WASF1: variants seen among roughly 807,000 people sequenced by gnomAD.
The protein encoded by WASF1 is actin-binding protein WASF1.
A neutral mutation model predicts 50.5 loss-of-function variants in WASF1; 7 were observed. The observed-to-expected ratio is 0.14, with a 90% CI of 0.08 to 0.26. The LOEUF (loss-of-function observed/expected upper bound fraction) is 0.26. Ranked by LOEUF, WASF1 falls within the 10% of genes least tolerant of loss-of-function variation. The pLI, the probability that WASF1 is intolerant of heterozygous loss-of-function variation, is 1.00. For synonymous variants in WASF1, 205 were observed against 244.0 expected (o/e 0.84, Z 1.49); for missense variants, 470 against 694.7 (o/e 0.68, Z 3.64).
chr6:110,136,336 T>G (rs1562176480), intron 3 of WASF1, among the ~76,000 whole-genome samples: 1 of 152,254 alleles, frequency 6.6e-6, no homozygotes, highest in Non-Finnish European at 1.5e-5. Flanking sequence ...ATAGTCAATT[T>G]TTGTAAACAT....
intron 3 of WASF1, among the ~76,000 whole-genome samples, chr6:110,140,370 A>G (rs1490743961): frequency 6.6e-6 from 1 of 152,182 alleles, no homozygotes; most frequent in Non-Finnish European, 1.5e-5. Flanking sequence ...TTAATAATAA[A>G]TTGGTAAGTA....
At chr6:110,104,221 T>C (rs1220715540) in intron 8 of WASF1, among the ~76,000 whole-genome samples, 1 of 152,170 alleles carries the variant, frequency 6.6e-6, no homozygotes, top group Non-Finnish European at 1.5e-5. Flanking sequence ...AGTACATTCT[T>C]GGGAAAAAGT....
intron 3 of WASF1, among the ~76,000 whole-genome samples, chr6:110,142,139 A>G (rs1473769728): frequency 1.3e-5 from 2 of 152,222 alleles, no homozygotes; most frequent in Non-Finnish European, 2.9e-5. Context: ...ATGGAATCAT[A>G]GGCTTGCTTG....
In WASF1 at chr6:110,100,525, C is replaced by G; in HGVS notation, c.1677G>C (p.Glu559Asp). The change falls in exon 11 of 11, where the codon GAG (glutamate) becomes GAC (aspartate). Residue 559 changes from glutamate to aspartate, a missense_variant. Transcript: ENST00000392589. ...DSEFDEVDWL[E>D] ...AATATTTATCAATGCATTTTTCTTACTCCAACCAATCTACTTCATCAAATT... is the reference window on the plus strand; with the variant it reads ...AATATTTATCAATGCATTTTTCTTAGTCCAACCAATCTACTTCATCAAATT... 1 of 1,608,828 alleles carries G rather than the reference C, an allele frequency of 6.2e-7. No individual in the cohort carries two copies. Among genetic ancestry groups the G allele is most frequent in the Non-Finnish European group, 8.5e-7 (1 of 1,177,272 alleles).
chr6:110,164,034 T>C (rs1161664450), intron 2 of WASF1, among the ~76,000 whole-genome samples: 1 of 151,596 alleles, frequency 6.6e-6, no homozygotes, highest in African/African-American at 2.4e-5. Flanking sequence ...ACACAGACCT[T>C]ACACGCTTCA....
chr6:110,159,880 G>T (rs1175569959), intron 3 of WASF1, among the ~76,000 whole-genome samples: 2 of 151,810 alleles, frequency 1.3e-5, no homozygotes, highest in Non-Finnish European at 2.9e-5. Flanking sequence ...TGCTCAAAAT[G>T]TTTCGGATTT....
chr6:110,145,706 TATTG>T (rs1199793406), intron 3 of WASF1, among the ~76,000 whole-genome samples: 7 of 152,288 alleles, frequency 4.6e-5, no homozygotes, highest in African/African-American at 1.2e-4. Context: ...TTTCTGCATC[TATTG>T]AGATAATCAT....
intron 5 of WASF1, among the ~76,000 whole-genome samples, chr6:110,111,153 G>A (rs1773536981): frequency 6.6e-6 from 1 of 152,006 alleles, no homozygotes. Flanking sequence ...TGTTACATAT[G>A]AGAACTGCCT....
chr6:110,141,786 CTT>C (rs1384764114), intron 3 of WASF1, among the ~76,000 whole-genome samples: 1 of 142,968 alleles, frequency 7.0e-6, no homozygotes, highest in African/African-American at 2.6e-5. Flanking sequence ...TTTTTTTTTT[CTT>C]TGAGTCGGAG....
chr6:110,103,284 A>T, intron 9 of WASF1, 94 bp downstream of exon 9: 3 of 1,383,284 alleles, frequency 2.2e-6, no homozygotes, highest in Non-Finnish European at 2.9e-6. Context: ...AAAAACTGTA[A>T]GGCCCGAAAG....
At position 110,138,380 on chromosome 6, in the gene WASF1, C is replaced by T. The variant is rs530445029; in HGVS notation, c.-28-10751G>A. On this transcript the variant is annotated intron_variant, in intron 3 of 10. Coordinates refer to ENST00000392589, the MANE Select transcript of WASF1 (RefSeq NM_003931.3). ...AAGGCCACAGCTATTTTCACCTTCT[C>T]TCTTCTCTTCTTCTCATTGCCTGCA... Among the ~76,000 whole-genome samples, 6 of 152,228 alleles carry T rather than the reference C, an allele frequency of 3.9e-5. 1 individual carries two copies. The highest frequency in any genetic ancestry group is 7.3e-5 in the Non-Finnish European group (5 of 68,034).
At chr6:110,174,918 A>G (rs1289416091) in intron 2 of WASF1, among the ~76,000 whole-genome samples, 2 of 152,168 alleles carry the variant, frequency 1.3e-5, no homozygotes, top group African/African-American at 2.4e-5. Flanking sequence ...CTCAAAATCC[A>G]TTTAGCTTAA....
intron 3 of WASF1, among the ~76,000 whole-genome samples, chr6:110,146,650 A>G (rs1010315139): frequency 6.6e-6 from 1 of 152,120 alleles, no homozygotes; most frequent in Non-Finnish European, 1.5e-5. Context: ...TTAGAAGTGT[A>G]TCAGAAACAG....
chr6:110,133,456 A>AC (rs749747158), intron 3 of WASF1, among the ~76,000 whole-genome samples: 63 of 152,138 alleles, frequency 4.1e-4, no homozygotes, highest in Admixed American at 5.2e-4. Context: ...TTCTTTAAGG[A>AC]ATCTCCACAC....
intron 4 of WASF1, among the ~76,000 whole-genome samples, chr6:110,115,744 T>C (rs1455806309): frequency 6.6e-6 from 1 of 152,226 alleles, no homozygotes; most frequent in Non-Finnish European, 1.5e-5. Flanking sequence ...CCATCAAAGA[T>C]GTCATAGTTA....
intron 4 of WASF1, among the ~76,000 whole-genome samples, chr6:110,116,235 C>T (rs1583939096): frequency 6.6e-6 from 1 of 152,344 alleles, no homozygotes; most frequent in Non-Finnish European, 1.5e-5. Context: ...GGCATTGCCT[C>T]ACCCAGGAAG....
rs1054510586 is a variant in WASF1 at position 110,159,419 on chromosome 6, C to G, written c.-29+1216G>C. The stretch of plus-strand genomic sequence containing the variant: ...GATAACCGTGTGACACTGCCAGAAT[C>G]TGAGAAAAGGAACATTATCACTGAA... On this transcript the variant is annotated intron_variant, in intron 3 of 10. Transcript: ENST00000392589. Among the ~76,000 whole-genome samples the G allele has an allele frequency of 2.0e-5, 3 of 151,838 alleles. No individual in the cohort carries two copies. The East Asian group carries it at 5.8e-4, about 29-fold the overall frequency.
At chr6:110,144,223 G>A (rs1306416626) in intron 3 of WASF1, among the ~76,000 whole-genome samples, 2 of 152,146 alleles carry the variant, frequency 1.3e-5, no homozygotes, top group African/African-American at 2.4e-5. Flanking sequence ...GTGATGATGA[G>A]CTTTTTTTCA....
intron 3 of WASF1, among the ~76,000 whole-genome samples, chr6:110,135,225 C>A (rs149849800): frequency 6.6e-6 from 1 of 152,060 alleles, no homozygotes; most frequent in East Asian, 1.9e-4. Flanking sequence ...AATTTTGTAT[C>A]CTGAAACTTT....
Sources: gnomAD v4.1 joint callset for allele counts (sites outside exome capture counted in the v4.1 genomes callset) on GRCh38, gnomAD v4.1.1 for gene constraint, MANE v1.5 for transcripts, NCBI Gene and HGNC (gene_info 2026-07-23, HGNC 2026-07-21) for gene names.